The following FLT4 variants were observed in gnomAD, a reference collection of about 807,000 sequenced individuals.
FLT4 encodes vascular endothelial growth factor receptor 3.
FLT4 carries 30 observed loss-of-function variants against 163.2 expected under a neutral mutation model. That is an observed-to-expected ratio of 0.18 (90% CI 0.14 to 0.25). The LOEUF (loss-of-function observed/expected upper bound fraction) is 0.25. Ranked by LOEUF, FLT4 falls within the 10% of genes least tolerant of loss-of-function variation. The probability of loss-of-function intolerance (pLI) is 1.00; values close to 1 mark genes in which losing one functional copy is unlikely to be tolerated. For missense variants in FLT4, 1,510 were observed against 1,863.8 expected, an observed-to-expected ratio of 0.81 and a Z score of 3.50; for synonymous variants, 884 against 789.5, an observed-to-expected ratio of 1.12 and a Z score of -2.01.
At position 180,621,218 on chromosome 5, in the gene FLT4, G is replaced by A. The variant is rs146456244; in HGVS notation, c.2055C>T (p.Thr685=). Residue 685 remains threonine, a synonymous_variant, in exon 14 of 30, where the codon ACC becomes ACT. Coordinates refer to ENST00000261937, the MANE Select transcript of FLT4 (RefSeq NM_182925.5). The part of the protein sequence containing the change: ...LEAPRLTQNL[T]DLLVNVSDSL... ...AGTCGCTCACGTTCACCAGGAGGTC[G>A]GTCAAGTTCTGCGTGAGCCGAGGGG... 1 of 1,612,764 alleles carries A rather than the reference G, an allele frequency of 6.2e-7. No homozygotes were observed. The highest frequency in any genetic ancestry group is 2.2e-5 in the East Asian group (1 of 44,874).
rs547410188 is a variant in FLT4 at position 180,630,935 on chromosome 5, C to T, written c.156-136G>A. 3 of 1,097,920 alleles carry T rather than the reference C, an allele frequency of 2.7e-6. No homozygotes were observed. The highest frequency in any genetic ancestry group is 2.7e-5 in the Admixed American group (1 of 36,440). 68.0% of individuals were successfully genotyped at this position (1,097,920 alleles called of 1,614,324 possible). ...GAACTGCCCAGGGTTTGGGCGCACA[C>T]TACAGACCGTGCCCAGGGCAGGGCA... On this transcript the variant is annotated intron_variant, in intron 2 of 29. Coordinates refer to ENST00000261937, the MANE Select transcript of FLT4 (RefSeq NM_182925.5). The surrounding 1 kb of genome is among the most constrained non-coding windows in gnomAD (Gnocchi z 6.3).
At chr5:180,607,940 G>A (rs79748074) in intron 29 of FLT4, 9 of 606,990 alleles carry the variant, frequency 1.5e-5, no homozygotes, top group African/African-American at 7.4e-5. Flanking sequence ...AAGCAGTAAC[G>A]CCAGTGTCTG....
At chr5:180,607,026 C>T (rs934414750) in intron 29 of FLT4, among the ~76,000 whole-genome samples, 5 of 151,668 alleles carry the variant, frequency 3.3e-5, no homozygotes, top group Admixed American at 2.0e-4. Context: ...TGCGGTGAGC[C>T]GAGATCGCAC....
In FLT4 at chr5:180,623,767, C is replaced by T. The variant is rs1249051811; in HGVS notation, c.1548+168G>A. On this transcript the variant is annotated intron_variant, in intron 11 of 29. Coordinates refer to ENST00000261937, the MANE Select transcript of FLT4 (RefSeq NM_182925.5). This position sits in a 1 kb window ranked among gnomAD's most constrained non-coding sequence, Gnocchi z 5.8. ...CAAAGCCGGAGACTGGCCCTCTGAC[C>T]TTTCTGCAGGCAGGGTGGCCGAGGC... is the stretch of plus-strand genomic sequence containing the variant. Among the ~76,000 whole-genome samples the T allele has an allele frequency of 1.3e-5, 2 of 152,194 alleles. No homozygotes were observed. The highest frequency in any genetic ancestry group is 3.9e-4 in the East Asian group (2 of 5,194).
At chr5:180,611,634 C>T (rs1762210753) in intron 26 of FLT4, 155 bp from the exon 27 acceptor site, 5 of 798,890 alleles carry the variant, frequency 6.3e-6, no homozygotes, top group African/African-American at 3.4e-5. Context: ...CTCGCCCTGC[C>T]CTCAGCCCTC....
At chr5:180,649,422 A>G (rs1765639973) in intron 1 of FLT4, 66 bp downstream of exon 1, 5 of 1,229,002 alleles carry the variant, frequency 4.1e-6, no homozygotes, top group Middle Eastern at 2.8e-4. Context: ...CGCCCGCCCC[A>G]GGTGCGCGGT....
Position 180,616,918 on chromosome 5 carries a change from C to G in FLT4, c.3078G>C (p.Glu1026Asp), listed in dbSNP as rs1762739063. Residue 1026 changes from glutamate (E) to aspartate (D), a missense_variant, in exon 22 of 30, where the codon GAG becomes GAC. Physicochemically the swap from Glu to Asp is conservative, Grantham distance 45 (BLOSUM62 2). Coordinates refer to ENST00000261937, the MANE Select transcript of FLT4 (RefSeq NM_182925.5). ...AGCTCACCTTTCGGGAAGCCAGGAA[C>G]TCCATCCCTCTGGCCACCTGGAAGC... The part of the protein sequence containing the change: ...CYSFQVARGM[E>D]FLASRKCIHR... The G allele has an allele frequency of 6.2e-7, 1 of 1,613,290 alleles. No homozygotes were observed. The highest frequency in any genetic ancestry group is 2.2e-5 in the East Asian group (1 of 44,882).
At chr5:180,605,209 C>T (rs1327556379) in intron 29 of FLT4, among the ~76,000 whole-genome samples, 1 of 152,224 alleles carries the variant, frequency 6.6e-6, no homozygotes, top group African/African-American at 2.4e-5. Flanking sequence ...AAGTGATCCT[C>T]CTGCCTCAGC....
chr5:180,626,350 G>T, intron 8 of FLT4, 85 bp from the exon 9 acceptor site: 2 of 1,462,816 alleles, frequency 1.4e-6, no homozygotes, highest in Non-Finnish European at 1.9e-6. Context: ...AAATACAGTT[G>T]GGAGGAGGGA....
chr5:180,645,097 G>A (rs998221117), intron 1 of FLT4, among the ~76,000 whole-genome samples: 2 of 152,246 alleles, frequency 1.3e-5, no homozygotes, highest in African/African-American at 2.4e-5. Flanking sequence ...CCGGTACCAC[G>A]AGCCCAAGAA....
At position 180,612,513 on chromosome 5, in the gene FLT4, C is replaced by A. The variant is rs199900560; in HGVS notation, c.3530G>T (p.Gly1177Val). 6.8e-5 allele frequency: 110 copies of A among 1,612,310 alleles called. No individual in the cohort carries two copies. The highest frequency in any genetic ancestry group is 8.6e-5 in the Non-Finnish European group (101 of 1,178,512). The change falls in exon 26 of 30, where the codon GGC (glycine) becomes GTC (valine). Residue 1177 changes from glycine (G) to valine (V), a missense_variant. Physicochemically the swap from Gly to Val is moderately radical, Grantham distance 109. This residue lies in a region of FLT4 where 295 missense variants were observed against 311.0 expected (regional missense o/e 0.95). Coordinates refer to ENST00000261937, the MANE Select transcript of FLT4 (RefSeq NM_182925.5). ...EILGDLLQGR[G>V]LQEEEEVCMA... Reference sequence around the variant, plus strand: ...GGTGGGGAAGGGGCTCACTTGCAGGCCCCTGCCCTGGAGCAGGTCCCCCAG... The same window carrying A: ...GGTGGGGAAGGGGCTCACTTGCAGGACCCTGCCCTGGAGCAGGTCCCCCAG...
At chr5:180,627,585 G>A (rs1408549711) in intron 8 of FLT4, among the ~76,000 whole-genome samples, 1 of 152,224 alleles carries the variant, frequency 6.6e-6, no homozygotes, top group Non-Finnish European at 1.5e-5. Context: ...GCTCGCCATC[G>A]TCATGTGCTG....
chr5:180,645,143 C>G (rs1262719214), intron 1 of FLT4, among the ~76,000 whole-genome samples: 1 of 152,158 alleles, frequency 6.6e-6, no homozygotes, highest in African/African-American at 2.4e-5. Flanking sequence ...TGGGGGGGGC[C>G]CTGAAGGCTC....
intron 26 of FLT4, 118 bp from the exon 27 acceptor site, chr5:180,611,597 C>T: frequency 4.5e-6 from 5 of 1,112,200 alleles, no homozygotes; most frequent in Non-Finnish European, 1.3e-6. Flanking sequence ...TCAGCCCTCG[C>T]CCCCGCACTC....
At chr5:180,609,214 G>A in intron 28 of FLT4, 161 bp from the exon 29 acceptor site, 1 of 673,914 alleles carries the variant, frequency 1.5e-6, no homozygotes. Flanking sequence ...TCCATCCCAG[G>A]GTGAGGGTCA....
At position 180,623,791 on chromosome 5, in the gene FLT4, G is replaced by C. The variant is rs1192340645; in HGVS notation, c.1548+144C>G. On this transcript the variant is annotated intron_variant, in intron 11 of 29. Transcript: ENST00000261937. The surrounding 1 kb of genome is among the most constrained non-coding windows in gnomAD (Gnocchi z 5.8). ...CCTTTCTGCAGGCAGGGTGGCCGAG[G>C]CCTACAGACTGCAGGAAGGTCACCC... The C allele has an allele frequency of 1.0e-6, 1 of 998,126 alleles. No individual in the cohort carries two copies. The highest frequency in any genetic ancestry group is 1.6e-5 in the African/African-American group (1 of 63,308). The allele number at this position is 998,126 out of a possible 1,614,324, so 61.8% of individuals were successfully genotyped here.
At chr5:180,609,327 G>C in intron 28 of FLT4, 2 of 542,628 alleles carry the variant, frequency 3.7e-6, no homozygotes, top group South Asian at 2.1e-5. Flanking sequence ...CATATGCTCA[G>C]TGTGTGAAGA....
rs943636008 is a variant in FLT4, at chr5:180,636,583, G to C, written c.59-4805C>G. 7.2e-6 allele frequency among the ~76,000 whole-genome samples: 1 copy of C among 139,736 alleles called. No homozygotes were observed. Among genetic ancestry groups the C allele is most frequent in the Non-Finnish European group, 1.5e-5 (1 of 66,040 alleles). The allele number at this position is 139,736 out of a possible 152,430, so 91.7% of individuals were successfully genotyped here. A position where few individuals can be genotyped will look rare whatever the true frequency, so the allele number is the denominator to read the frequency against. ...CACCCCAGCTCCTGCCCTTCTCCAT[G>C]ACTTCACCATCCACAGGGCTGACTC... On this transcript the variant is annotated intron_variant, in intron 1 of 29. Transcript: ENST00000261937. The surrounding 1 kb of genome is among the most constrained non-coding windows in gnomAD (Gnocchi z 4.3).
chr5:180,616,237 C>T (rs1353958262), intron 23 of FLT4, 130 bp downstream of exon 23: 13 of 1,319,282 alleles, frequency 9.9e-6, no homozygotes, highest in East Asian at 4.6e-5. Flanking sequence ...AGCAGCTGGG[C>T]ACATGGCTGG....
Sources: allele counts gnomAD v4.1 joint callset (sites outside exome capture counted in the v4.1 genomes callset), GRCh38; gene constraint gnomAD v4.1.1; regional missense constraint gnomAD v4.1.1; non-coding constraint Gnocchi (gnomAD v3.1); transcripts MANE v1.5; gene names NCBI Gene and HGNC (gene_info 2026-07-23, HGNC 2026-07-21).